The following DUSP14 variants were observed in gnomAD, a reference collection of about 807,000 sequenced individuals.
DUSP14 encodes the protein dual specificity phosphatase 14.
In DUSP14, 5 loss-of-function variants were observed where a neutral mutation model predicts 13.2. The observed-to-expected ratio is 0.38, with a 90% CI of 0.20 to 0.80. DUSP14 has a LOEUF of 0.80. Ranked by LOEUF, DUSP14 falls within the 30% of genes least tolerant of loss-of-function variation. The probability of loss-of-function intolerance (pLI) is 0.44; values close to 1 mark genes in which losing one functional copy is unlikely to be tolerated. For missense variants in DUSP14, 185 were observed against 264.0 expected (o/e 0.70, Z 2.07); for synonymous variants, 91 against 103.4 (o/e 0.88, Z 0.73).
Position 37,512,591 on chromosome 17 carries a change from A to G in DUSP14, c.319A>G (p.Thr107Ala). 6.2e-7 allele frequency: 1 copy of G among 1,614,098 alleles called. No individual in the cohort carries two copies. The highest frequency in any genetic ancestry group is 2.2e-5 in the East Asian group (1 of 44,870). ...IHSVSRKHGA[T>A]LVHCAAGVSR... ...CAGTGTGAGCAGGAAGCACGGGGCC[A>G]CCTTGGTGCACTGTGCTGCAGGGGT... Residue 107 changes from threonine to alanine, a missense_variant, in exon 3 of 3, where the codon ACC (threonine) becomes GCC (alanine). Thr to Ala is a moderately conservative substitution (Grantham distance 58). Transcript: ENST00000617516. The surrounding 1 kb of genome is among the most constrained non-coding windows in gnomAD (Gnocchi z 4.8).
At chr17:37,506,219 A>G (rs11653332) in intron 1 of DUSP14, among the ~76,000 whole-genome samples, 1 of 151,552 alleles carries the variant, frequency 6.6e-6, no homozygotes, top group East Asian at 1.9e-4. Flanking sequence ...GAGCCGAGAT[A>G]GCGCCATTGC....
At chr17:37,509,072 T>G (rs2143114167) in intron 1 of DUSP14, among the ~76,000 whole-genome samples, 1 of 77,118 alleles carries the variant, frequency 1.3e-5, no homozygotes, top group East Asian at 3.8e-4. Flanking sequence ...TTATGCAGAG[T>G]GAAAGAAGCC....
chr17:37,512,266 C>T lies in DUSP14; in HGVS notation c.-7C>T, dbSNP rs544160670. Reference sequence around the variant, plus strand: ...CCAACGATGCAAGTGTGACTGCTGGCGTCTTCATGAGCTCCAGAGGTCACA... The same window carrying T: ...CCAACGATGCAAGTGTGACTGCTGGTGTCTTCATGAGCTCCAGAGGTCACA... On this transcript the variant is annotated 5_prime_UTR_variant, in exon 3 of 3. Transcript: ENST00000617516. The surrounding 1 kb of genome is among the most constrained non-coding windows in gnomAD (Gnocchi z 4.8). The T allele has an allele frequency of 2.5e-5, 40 of 1,584,114 alleles. No individual in the cohort carries two copies. The highest frequency in any genetic ancestry group is 4.1e-5 in the African/African-American group (3 of 74,054).
At chr17:37,507,192 G>C (rs1186863856) in intron 1 of DUSP14, among the ~76,000 whole-genome samples, 1 of 152,124 alleles carries the variant, frequency 6.6e-6, no homozygotes, top group African/African-American at 2.4e-5. Flanking sequence ...TGCCCTCTAC[G>C]TGCCCTCTGG....
intron 1 of DUSP14, among the ~76,000 whole-genome samples, chr17:37,493,057 A>G (rs1404799511): frequency 6.6e-6 from 1 of 152,142 alleles, no homozygotes. Flanking sequence ...ACGCACATAT[A>G]TAATTTTTTA....
At chr17:37,492,596 G>C (rs1353133909) in intron 1 of DUSP14, among the ~76,000 whole-genome samples, 1 of 152,206 alleles carries the variant, frequency 6.6e-6, no homozygotes, top group Non-Finnish European at 1.5e-5. Context: ...GTCGGTCTCT[G>C]ACCTTATGAA....
chr17:37,510,202 T>TC (rs1231784240), intron 1 of DUSP14: 1 of 152,346 alleles, frequency 6.6e-6, no homozygotes, highest in Non-Finnish European at 1.5e-5. Flanking sequence ...CACACTGTCC[T>TC]CCACCTTGTG....
At chr17:37,493,672 CTTTTTTT>C in intron 1 of DUSP14, among the ~76,000 whole-genome samples, 1 of 137,324 alleles carries the variant, frequency 7.3e-6, no homozygotes, top group East Asian at 2.1e-4. Flanking sequence ...TTTCATCAAT[CTTTTTTT>C]TTTTTTTTTG....
rs1271422101 is a variant in DUSP14, at chr17:37,512,123, A to G, written c.-92-58A>G. ...AATCTTCCCATTTGACAAATGTGAC[A>G]GAAGGCTGTGATGAATCAGTAGCAT... On this transcript the variant is annotated intron_variant, in intron 2 of 2. Transcript: ENST00000617516. This position sits in a 1 kb window ranked among gnomAD's most constrained non-coding sequence, Gnocchi z 4.8. 1.6e-6 allele frequency: 1 copy of G among 630,206 alleles called. No homozygotes were observed. The highest frequency in any genetic ancestry group is 2.7e-6 in the Non-Finnish European group (1 of 366,232). The allele number at this position is 630,206 out of a possible 1,614,324, so 39.0% of individuals were successfully genotyped here.
At chr17:37,489,471 G>A (rs1043308827), upstream of DUSP14, among the ~76,000 whole-genome samples, 4 of 152,166 alleles carry the variant, frequency 2.6e-5, no homozygotes, top group African/African-American at 9.7e-5. Flanking sequence ...GCCGTCCCGA[G>A]CCACCCGCGG....
intron 1 of DUSP14, among the ~76,000 whole-genome samples, chr17:37,499,289 G>C (rs1274488531): frequency 2.6e-5 from 4 of 151,862 alleles, no homozygotes; most frequent in African/African-American, 9.7e-5. Context: ...ATTTGAGTGG[G>C]GACACAGAGC....
chr17:37,498,002 C>T lies in DUSP14; in HGVS notation c.-181+8044C>T, dbSNP rs550982012. Among the ~76,000 whole-genome samples, 8 of 151,184 alleles carry T rather than the reference C, an allele frequency of 5.3e-5. No individual in the cohort carries two copies. In the South Asian group the frequency reaches 1.3e-3, roughly 24 times the overall value. On this transcript the variant is annotated intron_variant, in intron 1 of 2. Coordinates refer to ENST00000617516, the MANE Select transcript of DUSP14 (RefSeq NM_007026.4). ...TTGAGGCTGCAGTGAGCCTAGATTGCACCACTGCACTCCAGCCTGGGTGAC... is the reference window on the plus strand; with the variant it reads ...TTGAGGCTGCAGTGAGCCTAGATTGTACCACTGCACTCCAGCCTGGGTGAC...
At chr17:37,501,412 A>G (rs2054104534) in intron 1 of DUSP14, among the ~76,000 whole-genome samples, 1 of 152,138 alleles carries the variant, frequency 6.6e-6, no homozygotes, top group Admixed American at 6.6e-5. Context: ...TCCAGGTGGT[A>G]TTGATGCTGC....
chr17:37,512,622 G>A lies in DUSP14; in HGVS notation c.350G>A (p.Arg117His), dbSNP rs2054197475. The A allele has an allele frequency of 2.5e-6, 4 of 1,612,894 alleles. No individual in the cohort carries two copies. In the South Asian group the frequency reaches 3.3e-5, roughly 13 times the overall value. The change falls in exon 3 of 3, where the codon CGC becomes CAC. Residue 117 changes from arginine (R) to histidine (H), a missense_variant. Coordinates refer to ENST00000617516, the MANE Select transcript of DUSP14 (RefSeq NM_007026.4). The surrounding 1 kb of genome is among the most constrained non-coding windows in gnomAD (Gnocchi z 4.8). ...GTGCACTGTGCTGCAGGGGTGAGCC[G>A]CTCAGCCACGCTGTGTATCGCGTAC... ...TLVHCAAGVS[R>H]SATLCIAYLM...
In DUSP14 at chr17:37,509,128, TACACACACAC is replaced by T. The variant is rs869304104; in HGVS notation, c.-180-1518_-180-1509del. Among the ~76,000 whole-genome samples, 221 of 31,180 alleles carry T rather than the reference TACACACACAC, an allele frequency of 7.1e-3. 37 individuals are homozygous for T. Among genetic ancestry groups the T allele is most frequent in the African/African-American group, 0.026 (182 of 6,990 alleles). The allele number at this position is 31,180 out of a possible 152,430, so 20.5% of individuals were successfully genotyped here. On this transcript the variant is annotated intron_variant, in intron 1 of 2. Transcript: ENST00000617516. ...CCATATATATATATATATATATATA[TACACACACAC>T]ACACACACACACACACACACACACA...
intron 1 of DUSP14, among the ~76,000 whole-genome samples, chr17:37,498,357 C>T (rs1311284332): frequency 6.6e-5 from 8 of 121,746 alleles, no homozygotes; most frequent in Non-Finnish European, 1.3e-4. Flanking sequence ...GACAGAGTCT[C>T]GCTCTGTCGC....
At chr17:37,507,578 T>C (rs2054146489) in intron 1 of DUSP14, among the ~76,000 whole-genome samples, 1 of 152,148 alleles carries the variant, frequency 6.6e-6, no homozygotes, top group Non-Finnish European at 1.5e-5. Context: ...TCAGCCTCCC[T>C]ACTAGCTGGG....
chr17:37,508,664 G>A (rs1000213439), intron 1 of DUSP14, among the ~76,000 whole-genome samples: 44 of 151,882 alleles, frequency 2.9e-4, no homozygotes, highest in African/African-American at 9.9e-4. Context: ...AACCTGGGAG[G>A]TGGAGGTTGC....
At chr17:37,490,845 C>T (rs1196386361) in intron 1 of DUSP14, among the ~76,000 whole-genome samples, 1 of 151,958 alleles carries the variant, frequency 6.6e-6, no homozygotes, top group African/African-American at 2.4e-5. Context: ...GATGTAAAAA[C>T]GGAGGCGAAG....
Sources: gnomAD v4.1 joint callset for allele counts (sites outside exome capture counted in the v4.1 genomes callset) on GRCh38, gnomAD v4.1.1 for gene constraint, Gnocchi (gnomAD v3.1) non-coding constraint, MANE v1.5 for transcripts, NCBI Gene and HGNC (gene_info 2026-07-23, HGNC 2026-07-21) for gene names.